PDE3A: variants seen among roughly 807,000 people sequenced by gnomAD.
PDE3A encodes phosphodiesterase 3A.
Under a neutral mutation model 98.3 loss-of-function variants are expected in PDE3A, and 43 were observed. The ratio of observed to expected loss-of-function variants is 0.44; its 90% CI spans 0.34 to 0.56. The LOEUF is 0.56. Among genes scored for constraint, PDE3A ranks in the 20% least tolerant of loss-of-function variants. The pLI is 0.01. For synonymous variants in PDE3A, 663 were observed against 567.9 expected, an observed-to-expected ratio of 1.17 and a Z score of -2.38; for missense variants, 1,427 against 1,440.7, an observed-to-expected ratio of 0.99 and a Z score of 0.15.
chr12:20,558,818 C>T (rs887081259), intron 2 of PDE3A, among the ~76,000 whole-genome samples: 1 of 152,028 alleles, frequency 6.6e-6, no homozygotes, highest in Non-Finnish European at 1.5e-5. Flanking sequence ...TCAAGGGGAA[C>T]TTCAGACAAG....
chr12:20,491,333 G>A (rs1945821889), intron 1 of PDE3A, among the ~76,000 whole-genome samples: 2 of 152,104 alleles, frequency 1.3e-5, no homozygotes, highest in Non-Finnish European at 2.9e-5. Flanking sequence ...TAAAAATAAG[G>A]GGACGAACAT....
At chr12:20,541,605 C>CT (rs765604676) in intron 1 of PDE3A, among the ~76,000 whole-genome samples, 159 of 152,152 alleles carry the variant, frequency 1.0e-3, no homozygotes, top group Middle Eastern at 0.01. Context: ...TTTACTCTTC[C>CT]TTTTTTTCTA....
chr12:20,437,892 C>G (rs532771451), intron 1 of PDE3A, among the ~76,000 whole-genome samples: 5 of 152,180 alleles, frequency 3.3e-5, no homozygotes, highest in African/African-American at 1.2e-4. Context: ...TTGAAATGAA[C>G]TAAATTGAGG....
chr12:20,446,149 C>T (rs1215242561), intron 1 of PDE3A, among the ~76,000 whole-genome samples: 3 of 152,168 alleles, frequency 2.0e-5, no homozygotes, highest in Non-Finnish European at 2.9e-5. Context: ...CAAAGCAAAA[C>T]TAGGAATTTG....
At chr12:20,668,000 G>A (rs71446709) in intron 15 of PDE3A, among the ~76,000 whole-genome samples, 5,435 of 152,174 alleles carry the variant, frequency 0.036, 134 homozygotes, top group Middle Eastern at 0.065. Flanking sequence ...CGCACCGTGC[G>A]CGAGCCAAAG....
chr12:20,660,363 G>A (rs373955331), intron 15 of PDE3A, among the ~76,000 whole-genome samples: 5 of 152,270 alleles, frequency 3.3e-5, no homozygotes, highest in African/African-American at 1.2e-4. Flanking sequence ...TACCAGAAGT[G>A]GGGTGCTGAT....
At chr12:20,647,894 A>G (rs951311502) in intron 12 of PDE3A, among the ~76,000 whole-genome samples, 13 of 151,904 alleles carry the variant, frequency 8.6e-5, no homozygotes, top group Non-Finnish European at 1.6e-4. Context: ...ACACGTCTAC[A>G]TTTTTATATA....
At chr12:20,573,097 T>C (rs61415458) in intron 2 of PDE3A, among the ~76,000 whole-genome samples, 20,155 of 152,026 alleles carry the variant, frequency 0.13, 1,375 homozygotes, top group Middle Eastern at 0.23. Context: ...TTTTCGTATT[T>C]TATAAGTAAT....
chr12:20,460,289 A>T (rs1037828860), intron 1 of PDE3A, among the ~76,000 whole-genome samples: 1 of 152,206 alleles, frequency 6.6e-6, no homozygotes. Context: ...GAGTTTGCAC[A>T]CATTTGTTCA....
chr12:20,522,254 C>G (rs1186315856), intron 1 of PDE3A, among the ~76,000 whole-genome samples: 1 of 152,176 alleles, frequency 6.6e-6, no homozygotes, highest in African/African-American at 2.4e-5. Flanking sequence ...CAGGAACTTA[C>G]ACTCTGTAGA....
rs576685553 is a variant in PDE3A, at chr12:20,580,944, A to G, written c.1011+24234A>G. On this transcript the variant is annotated intron_variant, in intron 2 of 15. Coordinates refer to ENST00000359062, the MANE Select transcript of PDE3A (RefSeq NM_000921.5). The stretch of plus-strand genomic sequence containing the variant: ...AAGATAGTGGTGAAATATGAATAGT[A>G]AATGGAAGAATGACATGTCCTCCGC... Among the ~76,000 whole-genome samples the G allele has an allele frequency of 5.3e-5, 8 of 152,328 alleles. No individual in the cohort carries two copies. In the South Asian group the frequency reaches 1.5e-3, roughly 28 times the overall value.
intron 2 of PDE3A, among the ~76,000 whole-genome samples, chr12:20,585,564 G>C (rs569543022): frequency 2.6e-5 from 4 of 152,138 alleles, no homozygotes; most frequent in Non-Finnish European, 5.9e-5. Flanking sequence ...CCTTTAGTAA[G>C]TAACAAAACT....
At chr12:20,515,878 G>T (rs1239472893) in intron 1 of PDE3A, among the ~76,000 whole-genome samples, 3 of 149,198 alleles carry the variant, frequency 2.0e-5, no homozygotes, top group African/African-American at 7.4e-5. Flanking sequence ...GACTACAGGC[G>T]CCTGCCACTA....
intron 15 of PDE3A, among the ~76,000 whole-genome samples, chr12:20,663,656 T>G (rs915415869): frequency 8.5e-5 from 13 of 152,200 alleles, no homozygotes; most frequent in African/African-American, 3.1e-4. Flanking sequence ...CCATTTGGAA[T>G]GATTGTATTT....
intron 1 of PDE3A, among the ~76,000 whole-genome samples, chr12:20,435,202 T>C (rs1944759963): frequency 6.6e-6 from 1 of 152,212 alleles, no homozygotes; most frequent in Non-Finnish European, 1.5e-5. Context: ...TCCTTGTTAC[T>C]GTAGAGTCAA....
At chr12:20,529,717 A>G (rs570018013) in intron 1 of PDE3A, among the ~76,000 whole-genome samples, 25 of 152,242 alleles carry the variant, frequency 1.6e-4, no homozygotes, top group African/African-American at 6.0e-4. Context: ...AGGCCTGTTG[A>G]CATCTAGATT....
intron 1 of PDE3A, among the ~76,000 whole-genome samples, chr12:20,531,927 G>A (rs1024824950): frequency 4.6e-5 from 6 of 130,428 alleles, no homozygotes; most frequent in Middle Eastern, 3.9e-3. Context: ...TTTAATTTTA[G>A]GAACTTTGAA....
chr12:20,473,635 G>A (rs1241305477), intron 1 of PDE3A, among the ~76,000 whole-genome samples: 1 of 152,006 alleles, frequency 6.6e-6, no homozygotes, highest in Non-Finnish European at 1.5e-5. Flanking sequence ...TTAACCTGTA[G>A]CATGAGTTTT....
At chr12:20,554,171 A>C (rs1412308387) in intron 1 of PDE3A, among the ~76,000 whole-genome samples, 2 of 151,446 alleles carry the variant, frequency 1.3e-5, no homozygotes, top group Non-Finnish European at 1.5e-5. Flanking sequence ...TCAATAAAAC[A>C]GGGATATTTT....
Sources: allele counts gnomAD v4.1 joint callset (sites outside exome capture counted in the v4.1 genomes callset), GRCh38; gene constraint gnomAD v4.1.1; transcripts MANE v1.5; gene names NCBI Gene and HGNC (gene_info 2026-07-23, HGNC 2026-07-21).